The following SUN2 variants were observed in gnomAD, a reference collection of about 807,000 sequenced individuals.
The protein encoded by SUN2 is Sad1 and UNC84 domain containing 2.
SUN2 carries 60 observed loss-of-function variants against 100.0 expected under a neutral mutation model. The observed-to-expected ratio is 0.60, with a 90% CI of 0.49 to 0.74. The LOEUF is 0.74. Among genes scored for constraint, SUN2 ranks in the 30% least tolerant of loss-of-function variants. SUN2 has a pLI of 0.00. For synonymous variants in SUN2, 367 were observed against 403.3 expected (o/e 0.91, Z 1.08); for missense variants, 834 against 954.6 (o/e 0.87, Z 1.66).
intron 7 of SUN2, among the ~76,000 whole-genome samples, chr22:38,746,316 C>CT (rs1177020806): frequency 6.6e-5 from 10 of 152,180 alleles, no homozygotes; most frequent in African/African-American, 2.4e-4. Context: ...ACCACCCCCT[C>CT]TAAGAGAGGC....
In SUN2 at chr22:38,736,186, G is replaced by A. The variant is rs377680508; in HGVS notation, c.*81C>T. On this transcript the variant is annotated 3_prime_UTR_variant, in exon 18 of 18. Coordinates refer to ENST00000689035, the MANE Select transcript of SUN2 (RefSeq NM_015374.3). Reference sequence around the variant, plus strand: ...CTCTTGTGCTCCTAGAAGTCAGAGCGCCGAGCAAGCGTGTGGGGGAAGCGG... The same window carrying A: ...CTCTTGTGCTCCTAGAAGTCAGAGCACCGAGCAAGCGTGTGGGGGAAGCGG... 7.2e-5 allele frequency: 95 copies of A among 1,323,964 alleles called. No homozygotes were observed. Among genetic ancestry groups the A allele is most frequent in the African/African-American group, 6.2e-4 (43 of 69,132 alleles). The allele number at this position is 1,323,964 out of a possible 1,614,324, so 82.0% of individuals were successfully genotyped here.
intron 1 of SUN2, among the ~76,000 whole-genome samples, chr22:38,754,196 C>G (rs2092968775): frequency 6.6e-6 from 1 of 152,198 alleles, no homozygotes; most frequent in African/African-American, 2.4e-5. Context: ...CACCCGAATT[C>G]AAAGTCCCCG....
chr22:38,738,604 T>TG lies in SUN2; in HGVS notation c.1929dup (p.Lys644GlnfsTer9). 2 of 1,613,414 alleles carry TG rather than the reference T, an allele frequency of 1.2e-6. No homozygotes were observed. The highest frequency in any genetic ancestry group is 1.7e-6 in the Non-Finnish European group (2 of 1,179,674). Reference sequence around the variant, plus strand: ...ATACTCACAAAGATGGCGAAGTCCTTGGGGGCACTGGAGATAGTGCTGTTG... The same window carrying TG: ...ATACTCACAAAGATGGCGAAGTCCTTGGGGGGCACTGGAGATAGTGCTGTTG... On this transcript the variant is annotated frameshift_variant, in exon 16 of 18. Coordinates refer to ENST00000689035, the MANE Select transcript of SUN2 (RefSeq NM_015374.3). LOFTEE classifies it high-confidence loss of function. The surrounding 1 kb of genome is among the most constrained non-coding windows in gnomAD (Gnocchi z 6.6).
chr22:38,739,077 G>T lies in SUN2; in HGVS notation c.1664-89C>A. 7.7e-7 allele frequency: 1 copy of T among 1,301,386 alleles called. No homozygotes were observed. The highest frequency in any genetic ancestry group is 1.1e-6 in the Non-Finnish European group (1 of 922,056). 80.6% of individuals were successfully genotyped at this position (1,301,386 alleles called of 1,614,324 possible). A position where few individuals can be genotyped will look rare whatever the true frequency, so the allele number is the denominator to read the frequency against. Reference sequence around the variant, plus strand: ...GGCTGTCTCCTCGCTGAAGGTGGACGGCAGATGCCCCAGGCCTAGCCTTTA... The same window carrying T: ...GGCTGTCTCCTCGCTGAAGGTGGACTGCAGATGCCCCAGGCCTAGCCTTTA... On this transcript the variant is annotated intron_variant, in intron 14 of 17. Transcript: ENST00000689035. This position sits in a 1 kb window ranked among gnomAD's most constrained non-coding sequence, Gnocchi z 6.7.
In SUN2 at chr22:38,740,200, GC is replaced by G; in HGVS notation, c.1356+66del. ...AGGGGCAAGGGGTGCTGCTTTGCAG[GC>G]CCCAGGACACGTCGTCTCAAAGGAG... is the stretch of plus-strand genomic sequence containing the variant. On this transcript the variant is annotated intron_variant, in intron 12 of 17. Transcript: ENST00000689035. This position sits in a 1 kb window ranked among gnomAD's most constrained non-coding sequence, Gnocchi z 4.8. 6.9e-7 allele frequency: 1 copy of G among 1,454,266 alleles called. No individual in the cohort carries two copies. The highest frequency in any genetic ancestry group is 9.1e-7 in the Non-Finnish European group (1 of 1,100,208). The allele number at this position is 1,454,266 out of a possible 1,614,324, so 90.1% of individuals were successfully genotyped here. A position where few individuals can be genotyped will look rare whatever the true frequency, so the allele number is the denominator to read the frequency against.
Position 38,738,081 on chromosome 22 carries a change from A to G in SUN2, c.2040+92T>C. Reference sequence around the variant, plus strand: ...AGGAGAGCAGGGCTTCCCTCTCTGAACCCCATGCCTGGCAGGGTAAGTGCC... The same window carrying G: ...AGGAGAGCAGGGCTTCCCTCTCTGAGCCCCATGCCTGGCAGGGTAAGTGCC... On this transcript the variant is annotated intron_variant, in intron 17 of 17. Transcript: ENST00000689035. This position sits in a 1 kb window ranked among gnomAD's most constrained non-coding sequence, Gnocchi z 6.6. 2 of 1,142,976 alleles carry G rather than the reference A, an allele frequency of 1.7e-6. No homozygotes were observed. The highest frequency in any genetic ancestry group is 2.7e-6 in the Non-Finnish European group (2 of 751,400). The allele number at this position is 1,142,976 out of a possible 1,614,324, so 70.8% of individuals were successfully genotyped here.
rs1405298457 is a variant in SUN2 at position 38,741,476 on chromosome 22, T to A, written c.1146+18A>T. On this transcript the variant is annotated intron_variant, in intron 10 of 17. Transcript: ENST00000689035. ...TCAGGACCCAGTCACAGGCCCTGAG[T>A]GCCGCAAGCCCGCTGACCTGGGAGG... 1.2e-6 allele frequency: 2 copies of A among 1,613,066 alleles called. No individual in the cohort carries two copies.
Position 38,742,447 on chromosome 22 carries a change from G to A in SUN2, c.922C>T (p.Leu308=), listed in dbSNP as rs1228386473. 1 of 1,613,616 alleles carries A rather than the reference G, an allele frequency of 6.2e-7. No individual in the cohort carries two copies. The highest frequency in any genetic ancestry group is 8.5e-7 in the Non-Finnish European group (1 of 1,180,006). Residue 308 remains leucine (L), a synonymous_variant, in exon 9 of 18, where the codon CTG becomes TTG. Transcript: ENST00000689035. ...CCAGGAGCCCCTTGCCGCAGCTCCAGACGTTCCAGCCGCATGGCCTCCTTC... is the reference window on the plus strand; with the variant it reads ...CCAGGAGCCCCTTGCCGCAGCTCCAAACGTTCCAGCCGCATGGCCTCCTTC... The part of the protein sequence containing the change: ...WQKEAMRLER[L]ELRQGAPGQG...
In SUN2 at chr22:38,739,171, C is replaced by T. The variant is rs150931492; in HGVS notation, c.1663+171G>A. ...CCCTGGCCCAGGATGGTACTCGGTA[C>T]GTCCTGACTTCCCTGAATTGCCACT... On this transcript the variant is annotated intron_variant, in intron 14 of 17. Coordinates refer to ENST00000689035, the MANE Select transcript of SUN2 (RefSeq NM_015374.3). This position sits in a 1 kb window ranked among gnomAD's most constrained non-coding sequence, Gnocchi z 6.7. The T allele has an allele frequency of 8.3e-4, 741 of 893,746 alleles. 7 individuals carry two copies. In the East Asian group the frequency reaches 0.012, roughly 15 times the overall value. 55.4% of individuals were successfully genotyped at this position (893,746 alleles called of 1,614,324 possible). A position where few individuals can be genotyped will look rare whatever the true frequency, so the allele number is the denominator to read the frequency against.
At chr22:38,751,430 G>C (rs1236136629) in intron 2 of SUN2, 57 bp from the exon 3 acceptor site, 1 of 1,593,860 alleles carries the variant, frequency 6.3e-7, no homozygotes, top group Non-Finnish European at 8.5e-7. Context: ...CCAGCCAGGA[G>C]CATGAAGGAA....
intron 1 of SUN2, among the ~76,000 whole-genome samples, chr22:38,754,365 A>T (rs1482496958): frequency 6.6e-6 from 1 of 152,194 alleles, no homozygotes; most frequent in Non-Finnish European, 1.5e-5. Flanking sequence ...TGAGTATAGA[A>T]GTCCACTTCC....
Position 38,740,706 on chromosome 22 carries a change from C to CA in SUN2, c.1191-275dup, listed in dbSNP as rs1238144483. 2 of 583,768 alleles carry CA rather than the reference C, an allele frequency of 3.4e-6. No individual in the cohort carries two copies. Among genetic ancestry groups the CA allele is most frequent in the Non-Finnish European group, 6.1e-6 (2 of 327,716 alleles). 36.2% of individuals were successfully genotyped at this position (583,768 alleles called of 1,614,324 possible). A position where few individuals can be genotyped will look rare whatever the true frequency, so the allele number is the denominator to read the frequency against. On this transcript the variant is annotated intron_variant, in intron 11 of 17. Coordinates refer to ENST00000689035, the MANE Select transcript of SUN2 (RefSeq NM_015374.3). The surrounding 1 kb of genome is among the most constrained non-coding windows in gnomAD (Gnocchi z 4.8). ...CTCTCACATCCTCCACAAGCATGGACATCTGGGGCATGAGAAGGCAGTTAT... is the reference window on the plus strand; with the variant it reads ...CTCTCACATCCTCCACAAGCATGGACAATCTGGGGCATGAGAAGGCAGTTAT...
Position 38,741,064 on chromosome 22 carries a change from A to G in SUN2, c.1147-14T>C. On this transcript the variant is annotated splice_polypyrimidine_tract_variant and intron_variant, in intron 10 of 17. Transcript: ENST00000689035. ...AGCCTCGGACTCCTGTGTAGGAAGAAGGGACAAATACAAGAAATACTCATC... is the reference window on the plus strand; with the variant it reads ...AGCCTCGGACTCCTGTGTAGGAAGAGGGGACAAATACAAGAAATACTCATC... 3 of 1,592,166 alleles carry G rather than the reference A, an allele frequency of 1.9e-6. No homozygotes were observed. Among genetic ancestry groups the G allele is most frequent in the Non-Finnish European group, 2.6e-6 (3 of 1,168,652 alleles).
intron 6 of SUN2, 112 bp from the exon 7 acceptor site, chr22:38,748,895 AG>A (rs1264877247): frequency 2.2e-5 from 24 of 1,073,350 alleles, no homozygotes; most frequent in Non-Finnish European, 3.3e-5. Context: ...GCTGAACTAG[AG>A]CTAAGGAGGA....
At chr22:38,750,157 TG>T (rs1371112427) in intron 5 of SUN2, 67 bp downstream of exon 5, 3 of 1,573,460 alleles carry the variant, frequency 1.9e-6, no homozygotes, top group Non-Finnish European at 2.6e-6. Flanking sequence ...GATGCCCAAC[TG>T]CAGAGAGATG....
At position 38,739,527 on chromosome 22, in the gene SUN2, G is replaced by C; in HGVS notation, c.1579-101C>G. The C allele has an allele frequency of 7.1e-7, 1 of 1,412,824 alleles. No homozygotes were observed. The highest frequency in any genetic ancestry group is 1.9e-5 in the Admixed American group (1 of 52,736). The allele number at this position is 1,412,824 out of a possible 1,614,324, so 87.5% of individuals were successfully genotyped here. ...AGGACCCATGGGCTGACCCCTTCTA[G>C]GCTTGCACTGTGCTGGTGCCCAGGC... On this transcript the variant is annotated intron_variant, in intron 13 of 17. Transcript: ENST00000689035. This position sits in a 1 kb window ranked among gnomAD's most constrained non-coding sequence, Gnocchi z 6.7.
chr22:38,751,668 C>T (rs1259812405), intron 2 of SUN2, among the ~76,000 whole-genome samples: 2 of 152,246 alleles, frequency 1.3e-5, no homozygotes, highest in African/African-American at 4.8e-5. Flanking sequence ...CAGAGCTAGC[C>T]AAAGCCTCAG....
intron 8 of SUN2, chr22:38,743,149 A>G (rs2092874224): frequency 6.6e-6 from 1 of 152,282 alleles, no homozygotes; most frequent in Admixed American, 6.5e-5. Flanking sequence ...GAATTTGAGA[A>G]TGTTGTTGGC....
At chr22:38,736,721 A>G (rs372995974) in intron 17 of SUN2, 2 of 196,740 alleles carry the variant, frequency 1.0e-5, no homozygotes, top group South Asian at 1.0e-4. Flanking sequence ...TCCAGTGCCC[A>G]TCGGGCCTCT....
Sources: allele counts gnomAD v4.1 joint callset (sites outside exome capture counted in the v4.1 genomes callset), GRCh38; gene constraint gnomAD v4.1.1; non-coding constraint Gnocchi (gnomAD v3.1); transcripts MANE v1.5; gene names NCBI Gene and HGNC (gene_info 2026-07-23, HGNC 2026-07-21).